UHRF1: variants seen among roughly 807,000 people sequenced by gnomAD.
UHRF1 encodes the protein ubiquitin like with PHD and ring finger domains 1, also known as E3 ubiquitin-protein ligase UHRF1.
Under a neutral mutation model 96.5 loss-of-function variants are expected in UHRF1, and 9 were observed. The ratio of observed to expected loss-of-function variants is 0.09; its 90% CI spans 0.06 to 0.16. The LOEUF is 0.16. UHRF1 is among the 10% of genes least tolerant of loss of function. The pLI, the probability that UHRF1 is intolerant of heterozygous loss-of-function variation, is 1.00. For synonymous variants in UHRF1, 455 were observed against 469.9 expected (o/e 0.97, Z 0.41); for missense variants, 626 against 1,131.1 (o/e 0.55, Z 6.40).
intron 5 of UHRF1, among the ~76,000 whole-genome samples, chr19:4,938,565 T>C (rs2033283767): frequency 6.6e-6 from 1 of 151,736 alleles, no homozygotes; most frequent in Admixed American, 6.6e-5. Context: ...TCTCACTCTG[T>C]CACCCATGCT....
intron 5 of UHRF1, 69 bp from the exon 6 acceptor site, chr19:4,941,459 T>C: frequency 7.8e-7 from 1 of 1,275,636 alleles, no homozygotes; most frequent in Non-Finnish European, 1.1e-6. Context: ...ACCCGTGGTG[T>C]TCAAGTGCTG....
chr19:4,953,135 C>G (rs958967456), intron 13 of UHRF1, among the ~76,000 whole-genome samples: 1 of 152,204 alleles, frequency 6.6e-6, no homozygotes, highest in Middle Eastern at 3.4e-3. Flanking sequence ...GGAGCTTGGC[C>G]GATTATCTCC....
intron 2 of UHRF1, among the ~76,000 whole-genome samples, chr19:4,924,517 C>T (rs1366853816): frequency 2.0e-5 from 3 of 152,040 alleles, no homozygotes; most frequent in African/African-American, 7.2e-5. Flanking sequence ...CTCCTGGCCT[C>T]AAGTGATCTG....
chr19:4,936,469 A>C (rs981287783), intron 5 of UHRF1, among the ~76,000 whole-genome samples: 6 of 152,154 alleles, frequency 3.9e-5, no homozygotes, highest in African/African-American at 1.2e-4. Context: ...TGGGAGGCTC[A>C]GATAGGTGGC....
At chr19:4,948,284 G>T (rs2033626437) in intron 11 of UHRF1, among the ~76,000 whole-genome samples, 1 of 152,112 alleles carries the variant, frequency 6.6e-6, no homozygotes, top group African/African-American at 2.4e-5. Context: ...TGATAGGCCA[G>T]AATTTGCTTG....
chr19:4,929,012 G>A (rs1043522589), intron 2 of UHRF1, among the ~76,000 whole-genome samples: 4 of 152,232 alleles, frequency 2.6e-5, no homozygotes, highest in Non-Finnish European at 5.9e-5. Flanking sequence ...CTCGCTAGAG[G>A]GGCCTGAGAC....
chr19:4,917,401 A>T (rs1217876504), intron 2 of UHRF1, among the ~76,000 whole-genome samples: 1 of 151,770 alleles, frequency 6.6e-6, no homozygotes, highest in Non-Finnish European at 1.5e-5. Flanking sequence ...TACGCCTGTA[A>T]TCCCAGCACT....
In UHRF1 at chr19:4,947,223, C is replaced by T. The variant is rs916297438; in HGVS notation, c.1517+12C>T. On this transcript the variant is annotated intron_variant, in intron 11 of 16. Coordinates refer to ENST00000650932, the MANE Select transcript of UHRF1 (RefSeq NM_001048201.3). ...ACCAACACCAACAGGTTTGTGGAAT[C>T]AGCCTTCTTATTTCCTTGCTGATGC... 1 of 1,611,674 alleles carries T rather than the reference C, an allele frequency of 6.2e-7. No homozygotes were observed. Among genetic ancestry groups the T allele is most frequent in the African/African-American group, 1.3e-5 (1 of 74,872 alleles).
chr19:4,909,352 G>T (rs942343797), upstream of UHRF1: 3 of 594,532 alleles, frequency 5.0e-6, no homozygotes, highest in African/African-American at 3.9e-5. Flanking sequence ...ACTAGGCGGA[G>T]GCGCCGTGGA....
chr19:4,926,276 A>T (rs1196955867), intron 2 of UHRF1, among the ~76,000 whole-genome samples: 1 of 152,162 alleles, frequency 6.6e-6, no homozygotes, highest in Non-Finnish European at 1.5e-5. Context: ...ACCTGCGTGT[A>T]CAGGTTGACG....
chr19:4,933,238 T>G (rs182571271), intron 5 of UHRF1, among the ~76,000 whole-genome samples: 61 of 152,266 alleles, frequency 4.0e-4, no homozygotes, highest in Admixed American at 2.9e-3. Flanking sequence ...TCATGGTGTT[T>G]TTTTTATCGC....
intron 5 of UHRF1, among the ~76,000 whole-genome samples, chr19:4,936,803 C>CAAAAA (rs200751668): frequency 1.4e-5 from 1 of 69,804 alleles, no homozygotes; most frequent in African/African-American, 5.2e-5. Flanking sequence ...AGAGAGTCTG[C>CAAAAA]AAAAAAAAAA....
intron 1 of UHRF1, among the ~76,000 whole-genome samples, chr19:4,904,024 T>A (rs2779166): frequency 0.13 from 19,609 of 151,930 alleles, 1,665 homozygotes; most frequent in Non-Finnish European, 0.2. Context: ...TTGCCCAGGC[T>A]GGAGTGCAGT....
chr19:4,939,732 A>C (rs2033325737), intron 5 of UHRF1, among the ~76,000 whole-genome samples: 1 of 152,174 alleles, frequency 6.6e-6, no homozygotes, highest in South Asian at 2.1e-4. Context: ...TGAGTGTAAA[A>C]TACACATGGG....
chr19:4,917,012 G>A (rs1010334572), intron 2 of UHRF1, among the ~76,000 whole-genome samples: 13 of 151,328 alleles, frequency 8.6e-5, no homozygotes, highest in African/African-American at 2.0e-4. Flanking sequence ...GGCAGTGTTC[G>A]GCACCCTGAA....
rs1229955759 is a variant in UHRF1 at position 4,961,604 on chromosome 19, G to A, written c.*801G>A. 1.3e-5 allele frequency: 2 copies of A among 151,606 alleles called. No homozygotes were observed. Among genetic ancestry groups the A allele is most frequent in the East Asian group, 1.9e-4 (1 of 5,152 alleles). The allele number at this position is 151,606 out of a possible 1,614,324, so 9.4% of individuals were successfully genotyped here. On this transcript the variant is annotated 3_prime_UTR_variant, in exon 17 of 17. Transcript: ENST00000650932. ...TGATTCGTTCCTTCTTTCTAAAGACGACAGTCTTTGTTGTTAGCACTGAAT... is the reference window on the plus strand; with the variant it reads ...TGATTCGTTCCTTCTTTCTAAAGACAACAGTCTTTGTTGTTAGCACTGAAT...
At chr19:4,957,751 C>G (rs1056087599) in intron 16 of UHRF1, among the ~76,000 whole-genome samples, 1 of 152,198 alleles carries the variant, frequency 6.6e-6, no homozygotes, top group African/African-American at 2.4e-5. Flanking sequence ...CCCCGGCCCC[C>G]ACCCACTCCA....
At chr19:4,916,549 C>G (rs936380585) in intron 2 of UHRF1, among the ~76,000 whole-genome samples, 1 of 152,120 alleles carries the variant, frequency 6.6e-6, no homozygotes, top group Non-Finnish European at 1.5e-5. Context: ...CTGTCCTCAG[C>G]GGTGACCCGG....
intron 7 of UHRF1, among the ~76,000 whole-genome samples, chr19:4,942,179 TTTTTC>T: frequency 6.6e-6 from 1 of 151,906 alleles, no homozygotes; most frequent in South Asian, 2.1e-4. Flanking sequence ...GACGGAGTCT[TTTTTC>T]TTTTCTTTTT....
Sources: gnomAD v4.1 joint callset for allele counts (sites outside exome capture counted in the v4.1 genomes callset) on GRCh38, gnomAD v4.1.1 for gene constraint, MANE v1.5 for transcripts, NCBI Gene and HGNC (gene_info 2026-07-23, HGNC 2026-07-21) for gene names.